ELP4: variants seen among roughly 807,000 people sequenced by gnomAD.
ELP4 encodes elongator acetyltransferase complex subunit 4.
A neutral mutation model predicts 48.9 loss-of-function variants in ELP4; 51 were observed. That is an observed-to-expected ratio of 1.04 (90% CI 0.83 to 1.32). ELP4 has a LOEUF of 1.32. Ranked by LOEUF, ELP4 falls within the 40% of genes most tolerant of loss-of-function variation. The pLI is 0.00. For synonymous variants in ELP4, 210 were observed against 189.2 expected (o/e 1.11, Z -0.90); for missense variants, 519 against 514.6 (o/e 1.01, Z -0.08).
At chr11:31,621,222 C>A (rs1944613964) in intron 5 of ELP4, among the ~76,000 whole-genome samples, 1 of 151,810 alleles carries the variant, frequency 6.6e-6, no homozygotes, top group African/African-American at 2.4e-5. Flanking sequence ...TTTGGTAATA[C>A]AAATCATACT....
At chr11:31,682,264 G>A (rs866123897) in intron 9 of ELP4, among the ~76,000 whole-genome samples, 2 of 152,114 alleles carry the variant, frequency 1.3e-5, no homozygotes, top group Non-Finnish European at 2.9e-5. Flanking sequence ...ATTACTCAAG[G>A]CTGTAATATT....
chr11:31,592,391 A>AATTAGCC (rs920378546), intron 3 of ELP4, among the ~76,000 whole-genome samples: 1 of 151,894 alleles, frequency 6.6e-6, no homozygotes. Flanking sequence ...AAAATGCAAA[A>AATTAGCC]ATTAGCCAAG....
At chr11:31,763,520 C>G (rs753679977) in intron 9 of ELP4, 3 of 1,610,106 alleles carry the variant, frequency 1.9e-6, no homozygotes, top group South Asian at 1.1e-5. Flanking sequence ...TTACAGCATT[C>G]CACATTTTTA....
chr11:31,521,289 T>G (rs1002319507), intron 2 of ELP4, among the ~76,000 whole-genome samples: 1 of 151,896 alleles, frequency 6.6e-6, no homozygotes, highest in East Asian at 1.9e-4. Flanking sequence ...GCATTATGTT[T>G]TTTTTTTTTA....
At chr11:31,518,930 G>T (rs1956164831) in intron 1 of ELP4, among the ~76,000 whole-genome samples, 1 of 149,958 alleles carries the variant, frequency 6.7e-6, no homozygotes, top group African/African-American at 2.5e-5. Context: ...CCGTTTCTCA[G>T]CCTCCTGAGT....
At position 31,785,961 on chromosome 11, in the gene ELP4, A is replaced by G. The variant is rs1364963860; in HGVS notation, c.*2437A>G. On this transcript the variant is annotated 3_prime_UTR_variant, in exon 10 of 10. Transcript: ENST00000640961. ...AAGTGTTTCTAGTATATGAACTTCA[A>G]AACCCTATATGGTACTCATTTCTTA... The G allele has an allele frequency of 5.0e-6, 1 of 200,336 alleles. No individual in the cohort carries two copies. The highest frequency in any genetic ancestry group is 1.0e-5 in the Non-Finnish European group (1 of 97,102). The allele number at this position is 200,336 out of a possible 1,614,324, so 12.4% of individuals were successfully genotyped here.
intron 2 of ELP4, among the ~76,000 whole-genome samples, chr11:31,534,300 CGAGA>C (rs373234151): frequency 1.5e-5 from 2 of 129,212 alleles, no homozygotes; most frequent in South Asian, 2.3e-4. Flanking sequence ...TGTATGAGAG[CGAGA>C]GAGAGAGAAA....
chr11:31,528,774 A>G (rs918939683), intron 2 of ELP4, among the ~76,000 whole-genome samples: 1 of 152,148 alleles, frequency 6.6e-6, no homozygotes, highest in Non-Finnish European at 1.5e-5. Context: ...TAAATAATTC[A>G]GTTTAAACAT....
intron 9 of ELP4, among the ~76,000 whole-genome samples, chr11:31,702,099 G>A (rs1565119006): frequency 6.6e-6 from 1 of 152,006 alleles, no homozygotes; most frequent in Non-Finnish European, 1.5e-5. Context: ...CACATGTTGA[G>A]ATGGAAAGAC....
rs886048185 is a variant in ELP4 at position 31,786,026 on chromosome 11, G to A, written c.*2502G>A. On this transcript the variant is annotated 3_prime_UTR_variant, in exon 10 of 10. Coordinates refer to ENST00000640961, the MANE Select transcript of ELP4 (RefSeq NM_019040.5). ...TTCTTTAACATGAGATAAATATTTTGACTACTGCAGTTTGCTCAGGTGCTC... is the reference window on the plus strand; with the variant it reads ...TTCTTTAACATGAGATAAATATTTTAACTACTGCAGTTTGCTCAGGTGCTC... 2.8e-4 allele frequency: 57 copies of A among 203,538 alleles called. No homozygotes were observed. The East Asian group carries it at 4.1e-3, about 15-fold the overall frequency. The allele number at this position is 203,538 out of a possible 1,614,324, so 12.6% of individuals were successfully genotyped here. A position where few individuals can be genotyped will look rare whatever the true frequency, so the allele number is the denominator to read the frequency against.
At chr11:31,765,466 C>T (rs1024642325) in intron 9 of ELP4, among the ~76,000 whole-genome samples, 2 of 152,084 alleles carry the variant, frequency 1.3e-5, no homozygotes, top group Admixed American at 6.5e-5. Flanking sequence ...TATTTGGATA[C>T]ATTCTAATCA....
chr11:31,721,025 T>G (rs1946948737), intron 9 of ELP4, among the ~76,000 whole-genome samples: 1 of 152,214 alleles, frequency 6.6e-6, no homozygotes, highest in South Asian at 2.1e-4. Flanking sequence ...CTATTTTGTA[T>G]TTAGAGTCTT....
At chr11:31,539,511 C>A in intron 2 of ELP4, 151 bp from the exon 3 acceptor site, 1 of 623,842 alleles carries the variant, frequency 1.6e-6, no homozygotes, top group Non-Finnish European at 2.6e-6. Flanking sequence ...GCCTATCTAT[C>A]TATGCCTCAG....
At chr11:31,735,599 C>G (rs1217203599) in intron 9 of ELP4, among the ~76,000 whole-genome samples, 1 of 152,114 alleles carries the variant, frequency 6.6e-6, no homozygotes, top group Non-Finnish European at 1.5e-5. Context: ...CCAAAATCTC[C>G]TTAAGCTGAT....
rs552793328 is a variant in ELP4, at chr11:31,550,443, A to G, written c.381+10660A>G. Among the ~76,000 whole-genome samples the G allele has an allele frequency of 9.8e-5, 15 of 152,296 alleles. No homozygotes were observed. The South Asian group carries it at 2.7e-3, about 27-fold the overall frequency. ...AAAACCATAAACATTATTTCAAAAC[A>G]TAAGCTCCATCAAGTTCAAGACACT... is the stretch of plus-strand genomic sequence containing the variant. On this transcript the variant is annotated intron_variant, in intron 3 of 9. Transcript: ENST00000640961.
chr11:31,541,308 TC>T (rs1412535998), intron 3 of ELP4: 3 of 152,246 alleles, frequency 2.0e-5, no homozygotes, highest in African/African-American at 7.2e-5. Flanking sequence ...TTGATTTTCC[TC>T]TGGTTGTAGG....
In ELP4 at chr11:31,719,736, G is replaced by A. The variant is rs186011435; in HGVS notation, c.1144-63657G>A. On this transcript the variant is annotated intron_variant, in intron 9 of 9. Coordinates refer to ENST00000640961, the MANE Select transcript of ELP4 (RefSeq NM_019040.5). ...AACCATAAACAAATACTGACTTTTC[G>A]CTAATGATATGCATGCTGGAGTGGT... The A allele has an allele frequency of 1.3e-4, 42 of 333,430 alleles. No individual in the cohort carries two copies. In the Middle Eastern group the frequency reaches 2.3e-3, roughly 18 times the overall value. The allele number at this position is 333,430 out of a possible 1,614,324, so 20.7% of individuals were successfully genotyped here. A position where few individuals can be genotyped will look rare whatever the true frequency, so the allele number is the denominator to read the frequency against.
chr11:31,598,843 A>G (rs1957727205), intron 4 of ELP4: 2 of 152,078 alleles, frequency 1.3e-5, no homozygotes, highest in Admixed American at 6.6e-5. Flanking sequence ...TAAAGCTTGA[A>G]TGTTTTGAAA....
In ELP4 at chr11:31,510,722, A is replaced by C. The variant is rs531360453; in HGVS notation, c.223+715A>C. 4.2e-5 allele frequency: 9 copies of C among 216,306 alleles called. No homozygotes were observed. In the East Asian group the frequency reaches 9.1e-4, roughly 22 times the overall value. The allele number at this position is 216,306 out of a possible 1,614,324, so 13.4% of individuals were successfully genotyped here. A position where few individuals can be genotyped will look rare whatever the true frequency, so the allele number is the denominator to read the frequency against. ...ACTCACATTTTAACGAGAAAAGTCT[A>C]GTTCTTAGGCTTTCCTTTAAAATCT... On this transcript the variant is annotated intron_variant, in intron 1 of 9. Transcript: ENST00000640961.
Sources: allele counts gnomAD v4.1 joint callset (sites outside exome capture counted in the v4.1 genomes callset), GRCh38; gene constraint gnomAD v4.1.1; transcripts MANE v1.5; gene names NCBI Gene and HGNC (gene_info 2026-07-23, HGNC 2026-07-21).